The following ADAMTS12 variants were observed in gnomAD, a reference collection of about 807,000 sequenced individuals.
ADAMTS12 encodes A disintegrin and metalloproteinase with thrombospondin motifs 12.
A neutral mutation model predicts 167.8 loss-of-function variants in ADAMTS12; 118 were observed. The observed-to-expected ratio is 0.70, with a 90% CI of 0.61 to 0.82. ADAMTS12 has a LOEUF of 0.82. ADAMTS12 is among the 40% of genes least tolerant of loss of function. The pLI, the probability that ADAMTS12 is intolerant of heterozygous loss-of-function variation, is 0.00. For synonymous variants in ADAMTS12, 704 were observed against 716.9 expected, an observed-to-expected ratio of 0.98 and a Z score of 0.29; for missense variants, 1,916 against 1,998.8, an observed-to-expected ratio of 0.96 and a Z score of 0.79.
chr5:33,722,749 C>G (rs983167972), intron 3 of ADAMTS12, among the ~76,000 whole-genome samples: 1 of 152,112 alleles, frequency 6.6e-6, no homozygotes, highest in South Asian at 2.1e-4. Context: ...TTCTCACAGC[C>G]GGTGAGTCAA....
intron 2 of ADAMTS12, among the ~76,000 whole-genome samples, chr5:33,844,205 G>A (rs1018632285): frequency 1.3e-5 from 2 of 152,142 alleles, no homozygotes; most frequent in African/African-American, 4.8e-5. Context: ...TGCAGAGCAT[G>A]TGTGTTTGAA....
chr5:33,678,871 T>C (rs748659597), intron 5 of ADAMTS12, among the ~76,000 whole-genome samples: 9 of 152,198 alleles, frequency 5.9e-5, no homozygotes, highest in Non-Finnish European at 1.2e-4. Flanking sequence ...TATACCAGTA[T>C]AGTCCAGAAA....
chr5:33,684,031 T>C lies in ADAMTS12; in HGVS notation c.659A>G (p.Gln220Arg), dbSNP rs774615981. The change falls in exon 4 of 24, where the codon CAA becomes CGA. Residue 220 changes from glutamine (Q) to arginine (R), a missense_variant. By Grantham distance (43) the Gln-to-Arg change is conservative. Transcript: ENST00000504830. ...LKDSVNISQK[Q>R]ELWREKWERH... ...CTCCCACTTCTCCCGCCATAGCTCT[T>C]GCTTCTGGGAGATGTTAACACTGTC... The C allele has an allele frequency of 1.2e-6, 2 of 1,603,056 alleles. No homozygotes were observed. The highest frequency in any genetic ancestry group is 3.4e-5 in the Admixed American group (2 of 58,972).
chr5:33,682,483 T>A (rs1219150972), intron 5 of ADAMTS12, among the ~76,000 whole-genome samples: 1 of 151,646 alleles, frequency 6.6e-6, no homozygotes, highest in Non-Finnish European at 1.5e-5. Context: ...GTCTCTTACA[T>A]TTATATAAGA....
intron 3 of ADAMTS12, among the ~76,000 whole-genome samples, chr5:33,719,119 A>C (rs1323244142): frequency 6.6e-6 from 1 of 152,204 alleles, no homozygotes; most frequent in Non-Finnish European, 1.5e-5. Flanking sequence ...AGGAAATAGA[A>C]GTTCTCAGAG....
At chr5:33,854,593 A>G (rs1440290133) in intron 2 of ADAMTS12, among the ~76,000 whole-genome samples, 1 of 152,236 alleles carries the variant, frequency 6.6e-6, no homozygotes, top group East Asian at 1.9e-4. Flanking sequence ...GAAGAAAACA[A>G]TGCTGCTTCT....
Position 33,561,114 on chromosome 5 carries a change from A to G in ADAMTS12, c.4038T>C (p.Ser1346=), listed in dbSNP as rs527283843. 4.3e-6 allele frequency: 7 copies of G among 1,614,184 alleles called. No homozygotes were observed. Among genetic ancestry groups the G allele is most frequent in the Non-Finnish European group, 5.1e-6 (6 of 1,180,020 alleles). ...RRVECSTQMD[S]DCAAIQRPDP... is the part of the protein sequence containing the mutation. ...CAGGTCTCTGGATGGCCGCACAGTC[A>G]GAATCCATCTGGGTGCTGCACTCCA... The change falls in exon 20 of 24, where the codon TCT becomes TCC. Residue 1346 remains serine, a synonymous_variant. Transcript: ENST00000504830.
At chr5:33,886,664 A>G (rs1481299045) in intron 1 of ADAMTS12, among the ~76,000 whole-genome samples, 1 of 152,118 alleles carries the variant, frequency 6.6e-6, no homozygotes, top group African/African-American at 2.4e-5. Flanking sequence ...GGACTTAGTA[A>G]TTGCCTCTTT....
intron 1 of ADAMTS12, among the ~76,000 whole-genome samples, chr5:33,885,857 G>A (rs1750618192): frequency 6.6e-6 from 1 of 152,194 alleles, no homozygotes; most frequent in South Asian, 2.1e-4. Flanking sequence ...GTGTTAGCAG[G>A]AGGCAAGGAT....
intron 10 of ADAMTS12, among the ~76,000 whole-genome samples, chr5:33,643,102 C>A (rs1477480568): frequency 6.6e-6 from 1 of 152,222 alleles, no homozygotes; most frequent in East Asian, 1.9e-4. Flanking sequence ...ATGTTGACCA[C>A]AAACTCCATA....
chr5:33,842,024 T>C (rs1346326095), intron 2 of ADAMTS12, among the ~76,000 whole-genome samples: 1 of 152,176 alleles, frequency 6.6e-6, no homozygotes, highest in Non-Finnish European at 1.5e-5. Context: ...CCTGAACACC[T>C]GGACACCCGG....
intron 5 of ADAMTS12, among the ~76,000 whole-genome samples, chr5:33,677,739 G>T (rs1474361372): frequency 3.3e-5 from 5 of 152,126 alleles, no homozygotes; most frequent in Non-Finnish European, 7.4e-5. Flanking sequence ...CTGTTTTCTT[G>T]GCCCATGGTT....
At chr5:33,592,928 T>C (rs1244025432) in intron 17 of ADAMTS12, among the ~76,000 whole-genome samples, 1 of 152,188 alleles carries the variant, frequency 6.6e-6, no homozygotes, top group East Asian at 1.9e-4. Flanking sequence ...ACAAGGAAAC[T>C]AGTGAACTAA....
chr5:33,840,240 C>T (rs1422745630), intron 2 of ADAMTS12: 1 of 152,208 alleles, frequency 6.6e-6, no homozygotes, highest in African/African-American at 2.4e-5. Flanking sequence ...TCTTCATCTT[C>T]CTCTTTGTAA....
Position 33,576,717 on chromosome 5 carries a change from C to T in ADAMTS12, c.3309G>A (p.Glu1103=). Reference sequence around the variant, plus strand: ...CAGTATCTGAACTGGAAACATTTTCCTCACTTGGCTGAATGCTCAAGGATT... The same window carrying T: ...CAGTATCTGAACTGGAAACATTTTCTTCACTTGGCTGAATGCTCAAGGATT... ...TSQSLSIQPS[E]ENVSSSDTGP... is the part of the protein sequence containing the mutation. Residue 1103 remains glutamate (E), a synonymous_variant, in exon 19 of 24, where the codon GAG becomes GAA. Transcript: ENST00000504830. 1 of 1,614,198 alleles carries T rather than the reference C, an allele frequency of 6.2e-7. No individual in the cohort carries two copies. The highest frequency in any genetic ancestry group is 8.5e-7 in the Non-Finnish European group (1 of 1,180,030).
intron 2 of ADAMTS12, among the ~76,000 whole-genome samples, chr5:33,778,119 A>G (rs1013941449): frequency 2.0e-5 from 3 of 152,128 alleles, no homozygotes; most frequent in African/African-American, 7.2e-5. Context: ...TACAGATTCT[A>G]TGTAATCCGT....
Position 33,857,566 on chromosome 5 carries a change from A to T in ADAMTS12, c.489+23553T>A, listed in dbSNP as rs75609675. Reference sequence around the variant, plus strand: ...TAAATATACACAATTTTTGTTTGTCAATTATACATCAGTAAGGCTGGAAAA... The same window carrying T: ...TAAATATACACAATTTTTGTTTGTCTATTATACATCAGTAAGGCTGGAAAA... On this transcript the variant is annotated intron_variant, in intron 2 of 23. Transcript: ENST00000504830. Among the ~76,000 whole-genome samples, 1,053 of 152,304 alleles carry T rather than the reference A, an allele frequency of 6.9e-3. 49 individuals carry two copies. In the East Asian group the frequency reaches 0.11, roughly 16 times the overall value.
intron 20 of ADAMTS12, among the ~76,000 whole-genome samples, chr5:33,559,981 T>C (rs1745659099): frequency 6.6e-6 from 1 of 152,224 alleles, no homozygotes; most frequent in Non-Finnish European, 1.5e-5. Context: ...ATTTTGGGTC[T>C]GGAAGATTAA....
chr5:33,737,340 G>T (rs928197561), intron 3 of ADAMTS12, among the ~76,000 whole-genome samples: 6 of 152,272 alleles, frequency 3.9e-5, no homozygotes, highest in Middle Eastern at 3.4e-3. Flanking sequence ...TGCTTGTGAG[G>T]CCAGATGTGT....
Sources: gnomAD v4.1 joint callset for allele counts (sites outside exome capture counted in the v4.1 genomes callset) on GRCh38, gnomAD v4.1.1 for gene constraint, MANE v1.5 for transcripts, NCBI Gene and HGNC (gene_info 2026-07-23, HGNC 2026-07-21) for gene names.